The following GALNT1 variants were observed in gnomAD, a reference collection of about 807,000 sequenced individuals.
GALNT1 encodes GalNAc transferase 1.
A neutral mutation model predicts 65.7 loss-of-function variants in GALNT1; 17 were observed. That is an observed-to-expected ratio of 0.26 (90% CI 0.18 to 0.39). GALNT1 has a LOEUF of 0.39. Among genes scored for constraint, GALNT1 ranks in the 10% least tolerant of loss-of-function variants. The pLI is 1.00. For missense variants in GALNT1, 460 were observed against 672.8 expected, an observed-to-expected ratio of 0.68 and a Z score of 3.50; for synonymous variants, 210 against 219.7, an observed-to-expected ratio of 0.96 and a Z score of 0.39.
intron 2 of GALNT1, among the ~76,000 whole-genome samples, chr18:35,661,713 T>C (rs1386580436): frequency 5.3e-5 from 8 of 152,156 alleles, no homozygotes; most frequent in Non-Finnish European, 1.2e-4. Flanking sequence ...GTGCATGCCA[T>C]GTCCCTTTGT....
At chr18:35,586,116 G>A (rs2046375364) in intron 1 of GALNT1, among the ~76,000 whole-genome samples, 1 of 152,200 alleles carries the variant, frequency 6.6e-6, no homozygotes, top group Non-Finnish European at 1.5e-5. Context: ...GAGGCACCAC[G>A]CCTGGCCTGT....
rs1466682889 is a variant in GALNT1, at chr18:35,675,638, G to A, written c.315-1953G>A. 6.6e-5 allele frequency among the ~76,000 whole-genome samples: 10 copies of A among 152,142 alleles called. 1 individual carries two copies. Among genetic ancestry groups the A allele is most frequent in the Non-Finnish European group, 1.5e-4 (10 of 68,022 alleles). ...TTTCTGTTTCCTAGCCATAGACATG[G>A]CTAACAGTACCATTTGTATCTGTAC... is the stretch of plus-strand genomic sequence containing the variant. On this transcript the variant is annotated intron_variant, in intron 3 of 11. Coordinates refer to ENST00000269195, the MANE Select transcript of GALNT1 (RefSeq NM_020474.4).
intron 1 of GALNT1, among the ~76,000 whole-genome samples, chr18:35,587,022 G>A (rs1374889089): frequency 6.6e-6 from 1 of 152,100 alleles, no homozygotes; most frequent in Non-Finnish European, 1.5e-5. Flanking sequence ...GCATTGTGTA[G>A]TTTTATCATG....
Position 35,660,053 on chromosome 18 carries a change from A to G in GALNT1, c.140-3575A>G, listed in dbSNP as rs921708449. 4 of 152,208 alleles carry G rather than the reference A, an allele frequency of 2.6e-5. 1 individual carries two copies. In the East Asian group the frequency reaches 5.8e-4, roughly 22 times the overall value. 9.4% of individuals were successfully genotyped at this position (152,208 alleles called of 1,614,324 possible). A position where few individuals can be genotyped will look rare whatever the true frequency, so the allele number is the denominator to read the frequency against. On this transcript the variant is annotated intron_variant, in intron 2 of 11. Coordinates refer to ENST00000269195, the MANE Select transcript of GALNT1 (RefSeq NM_020474.4). ...TAAAAGTGATAACATTCCAGTTACC[A>G]TTGTGAGCCACATTCCAATTTCAGA...
At chr18:35,694,633 G>T (rs1245428649) in intron 9 of GALNT1, among the ~76,000 whole-genome samples, 1 of 152,190 alleles carries the variant, frequency 6.6e-6, no homozygotes, top group African/African-American at 2.4e-5. Context: ...TTACTTACAT[G>T]TTTATAACAG....
chr18:35,604,119 CTTCT>C (rs1568014169), intron 1 of GALNT1, among the ~76,000 whole-genome samples: 1 of 152,072 alleles, frequency 6.6e-6, no homozygotes, highest in African/African-American at 2.4e-5. Flanking sequence ...TATTTTTACC[CTTCT>C]TTGTGTCCAT....
intron 1 of GALNT1, among the ~76,000 whole-genome samples, chr18:35,603,993 C>T (rs672792): frequency 0.64 from 97,596 of 151,960 alleles, 32,337 homozygotes; most frequent in African/African-American, 0.8. Context: ...TTGCATGCCA[C>T]TGGGGTTTGG....
rs780447412 is a variant in GALNT1, at chr18:35,689,229, T to C, written c.917T>C (p.Ile306Thr). 1.2e-6 allele frequency: 2 copies of C among 1,612,976 alleles called. No individual in the cohort carries two copies. Among genetic ancestry groups the C allele is most frequent in the Non-Finnish European group, 1.7e-6 (2 of 1,179,480 alleles). The change falls in exon 7 of 12, where the codon ATT becomes ACT. Residue 306 changes from isoleucine (I) to threonine (T), a missense_variant. Transcript: ENST00000269195. ...ATAGACAGAGATTACTTTCAGGAAA[T>C]TGGAACATATGATGCTGGAATGGAT... ...FSIDRDYFQE[I>T]GTYDAGMDIW...
At chr18:35,623,850 C>T (rs948341159) in intron 1 of GALNT1, among the ~76,000 whole-genome samples, 3 of 152,098 alleles carry the variant, frequency 2.0e-5, no homozygotes, top group Admixed American at 1.3e-4. Context: ...ACGTTATAGT[C>T]CTTGCCAACT....
chr18:35,625,667 G>A (rs2046908045), intron 1 of GALNT1, among the ~76,000 whole-genome samples: 1 of 152,130 alleles, frequency 6.6e-6, no homozygotes, highest in South Asian at 2.1e-4. Flanking sequence ...AGATTTGGGG[G>A]ATTCCATGAC....
chr18:35,627,301 CT>C (rs1462172977), intron 1 of GALNT1: 3 of 152,214 alleles, frequency 2.0e-5, no homozygotes, highest in African/African-American at 7.2e-5. Flanking sequence ...GGGGAAGAAG[CT>C]GAATAAGGCA....
At chr18:35,686,245 A>G (rs1250438077) in intron 5 of GALNT1, among the ~76,000 whole-genome samples, 1 of 152,252 alleles carries the variant, frequency 6.6e-6, no homozygotes. Context: ...AATGGATAGG[A>G]AAGTCAATAT....
chr18:35,686,031 G>A (rs2047862267), intron 5 of GALNT1, among the ~76,000 whole-genome samples: 1 of 152,152 alleles, frequency 6.6e-6, no homozygotes. Flanking sequence ...GTGCACCATT[G>A]CCCTCTAGCC....
At chr18:35,670,623 T>C (rs2047621149) in intron 3 of GALNT1, among the ~76,000 whole-genome samples, 2 of 152,240 alleles carry the variant, frequency 1.3e-5, no homozygotes, top group African/African-American at 4.8e-5. Flanking sequence ...CACGTATACA[T>C]GTGTAATTTG....
At chr18:35,659,285 T>C (rs1392260603) in intron 2 of GALNT1, among the ~76,000 whole-genome samples, 3 of 152,208 alleles carry the variant, frequency 2.0e-5, no homozygotes, top group Admixed American at 1.3e-4. Context: ...TGTAACATTG[T>C]TGTTGATATG....
At chr18:35,657,021 C>A (rs765688422) in intron 2 of GALNT1, among the ~76,000 whole-genome samples, 2 of 152,052 alleles carry the variant, frequency 1.3e-5, no homozygotes, top group Admixed American at 6.6e-5. Flanking sequence ...ATTGATGCTC[C>A]TTAGAAGAGG....
rs562941546 is a variant in GALNT1, at chr18:35,691,378, A to ATATAAT, written c.1159+189_1159+194dup. 6.2e-3 allele frequency among the ~76,000 whole-genome samples: 944 copies of ATATAAT among 152,344 alleles called. 10 individuals carry two copies. Among genetic ancestry groups the ATATAAT allele is most frequent in the African/African-American group, 0.021 (873 of 41,576 alleles). ...TGCTTGGCAGAATGCCTAGAATAAT[A>ATATAAT]TATAATTAACAGTAATAAATTATCC... On this transcript the variant is annotated intron_variant, in intron 8 of 11. Transcript: ENST00000269195.
At chr18:35,628,139 G>A (rs955146140) in intron 1 of GALNT1, among the ~76,000 whole-genome samples, 1 of 152,178 alleles carries the variant, frequency 6.6e-6, no homozygotes, top group African/African-American at 2.4e-5. Flanking sequence ...CCACCTCTGG[G>A]GGCAGGGCAT....
chr18:35,677,476 G>A, intron 3 of GALNT1, 115 bp from the exon 4 acceptor site: 1 of 643,886 alleles, frequency 1.6e-6, no homozygotes. Flanking sequence ...AAGGTACCAA[G>A]GATCCCACCA....
Sources: gnomAD v4.1 joint callset for allele counts (sites outside exome capture counted in the v4.1 genomes callset) on GRCh38, gnomAD v4.1.1 for gene constraint, MANE v1.5 for transcripts, NCBI Gene and HGNC (gene_info 2026-07-23, HGNC 2026-07-21) for gene names.